The following CFAP61 variants were observed in gnomAD, a reference collection of about 807,000 sequenced individuals.
CFAP61 encodes cilia- and flagella-associated protein 61.
CFAP61 carries 107 observed loss-of-function variants against 135.6 expected under a neutral mutation model. The ratio of observed to expected loss-of-function variants is 0.79; its 90% CI spans 0.67 to 0.93. CFAP61 has a LOEUF of 0.93. Among genes scored for constraint, CFAP61 ranks in the 40% least tolerant of loss-of-function variants. The probability of loss-of-function intolerance (pLI) is 0.00; values close to 1 mark genes in which losing one functional copy is unlikely to be tolerated. For missense variants in CFAP61, 1,507 were observed against 1,556.2 expected (o/e 0.97, Z 0.53); for synonymous variants, 575 against 578.5 (o/e 0.99, Z 0.09).
chr20:20,062,635 A>T (rs1468226379), intron 2 of CFAP61, among the ~76,000 whole-genome samples: 1 of 152,166 alleles, frequency 6.6e-6, no homozygotes, highest in Admixed American at 6.6e-5. Flanking sequence ...AAAAAGAAAA[A>T]CTTTCAAAGT....
intron 8 of CFAP61, among the ~76,000 whole-genome samples, chr20:20,129,514 A>C (rs928206281): frequency 6.6e-6 from 1 of 151,256 alleles, no homozygotes; most frequent in Non-Finnish European, 1.5e-5. Context: ...ACTTTTGATC[A>C]GTTTATTATA....
chr20:20,192,236 T>C (rs983132427), intron 15 of CFAP61, among the ~76,000 whole-genome samples: 1 of 152,124 alleles, frequency 6.6e-6, no homozygotes, highest in Admixed American at 6.5e-5. Flanking sequence ...ACTTTTTGGG[T>C]TCTTCAAAAA....
chr20:20,353,725 T>C (rs2058937494), intron 26 of CFAP61, among the ~76,000 whole-genome samples: 2 of 152,142 alleles, frequency 1.3e-5, no homozygotes, highest in African/African-American at 4.8e-5. Context: ...CCAAAAGATA[T>C]ATTTAAAAAA....
At chr20:20,059,675 A>G (rs914313613) in intron 2 of CFAP61, among the ~76,000 whole-genome samples, 1 of 152,106 alleles carries the variant, frequency 6.6e-6, no homozygotes, top group Admixed American at 6.5e-5. Context: ...ATGTTTAAAC[A>G]AAAGTGAAAT....
At position 20,080,006 on chromosome 20, in the gene CFAP61, AT is replaced by A; in HGVS notation, c.566+4393del. Reference sequence around the variant, plus strand: ...TTTTAAATTACAAGAATCTCCACAAATTAATTACTTAGGATCTTGTAAGTAG... The same window carrying A: ...TTTTAAATTACAAGAATCTCCACAAATAATTACTTAGGATCTTGTAAGTAG... On this transcript the variant is annotated intron_variant, in intron 6 of 26. Coordinates refer to ENST00000245957, the MANE Select transcript of CFAP61 (RefSeq NM_015585.4). Among the ~76,000 whole-genome samples the A allele has an allele frequency of 1.3e-5, 2 of 152,170 alleles. 1 individual carries two copies. Among genetic ancestry groups the A allele is most frequent in the Non-Finnish European group, 2.9e-5 (2 of 68,024 alleles).
chr20:20,052,901 C>A, intron 1 of CFAP61: 1 of 607,918 alleles, frequency 1.6e-6, no homozygotes, highest in East Asian at 2.9e-5. Context: ...TTTCTGGTTT[C>A]GGGACAGTTG....
intron 8 of CFAP61, among the ~76,000 whole-genome samples, chr20:20,106,055 T>G (rs2048388210): frequency 7.6e-6 from 1 of 131,988 alleles, no homozygotes. Context: ...TATATAAAAT[T>G]TGATTTTCTA....
chr20:20,073,497 TGTGCTGTCCTGATATAG>T, intron 3 of CFAP61, among the ~76,000 whole-genome samples: 1 of 152,332 alleles, frequency 6.6e-6, no homozygotes, highest in South Asian at 2.1e-4. Flanking sequence ...AGGCAGCACC[TGTGCTGTCCTGATATAG>T]GTACCAGCAC....
At chr20:20,340,701 A>G (rs1464683588) in intron 25 of CFAP61, among the ~76,000 whole-genome samples, 1 of 152,030 alleles carries the variant, frequency 6.6e-6, no homozygotes, top group Non-Finnish European at 1.5e-5. Flanking sequence ...GACCCCCAAA[A>G]CCAAGGGGGT....
At chr20:20,154,323 T>A (rs1254986099) in intron 9 of CFAP61, among the ~76,000 whole-genome samples, 1 of 152,064 alleles carries the variant, frequency 6.6e-6, no homozygotes, top group Non-Finnish European at 1.5e-5. Flanking sequence ...TTTCACCACT[T>A]TTATTCAACA....
chr20:20,173,324 G>C (rs1273131598), intron 13 of CFAP61, among the ~76,000 whole-genome samples: 1 of 152,210 alleles, frequency 6.6e-6, no homozygotes, highest in African/African-American at 2.4e-5. Context: ...CCTATGACCA[G>C]AATATGTTTA....
intron 9 of CFAP61, among the ~76,000 whole-genome samples, chr20:20,156,917 A>C (rs1316410110): frequency 6.6e-6 from 1 of 152,198 alleles, no homozygotes; most frequent in Non-Finnish European, 1.5e-5. Flanking sequence ...GTTCTTTGCA[A>C]ATTTGGTAAA....
intron 13 of CFAP61, among the ~76,000 whole-genome samples, chr20:20,180,334 GA>G (rs574779331): frequency 7.9e-4 from 103 of 130,996 alleles, no homozygotes; most frequent in African/African-American, 1.5e-3. Context: ...GTCTCAAAAA[GA>G]AAAAAAAAAA....
intron 6 of CFAP61, among the ~76,000 whole-genome samples, chr20:20,083,657 C>A (rs556778290): frequency 4.6e-5 from 7 of 152,288 alleles, no homozygotes; most frequent in Non-Finnish European, 8.8e-5. Context: ...TGAGCAATTT[C>A]ATATGAATAA....
intron 9 of CFAP61, among the ~76,000 whole-genome samples, chr20:20,154,052 A>G (rs1250656653): frequency 6.6e-6 from 1 of 152,108 alleles, no homozygotes; most frequent in African/African-American, 2.4e-5. Context: ...AGGGTTTAAC[A>G]TATACAAGTT....
chr20:20,279,916 A>G (rs1381938943), intron 22 of CFAP61, among the ~76,000 whole-genome samples: 2 of 152,110 alleles, frequency 1.3e-5, no homozygotes, highest in African/African-American at 4.8e-5. Flanking sequence ...GAGTCAGGGT[A>G]GGTATCTCTC....
At chr20:20,090,656 T>C (rs372119974) in intron 6 of CFAP61, among the ~76,000 whole-genome samples, 188 bp from the exon 7 acceptor site, 3 of 143,314 alleles carry the variant, frequency 2.1e-5, no homozygotes, top group East Asian at 4.1e-4. Context: ...CGCCACTGCA[T>C]TCCAGTCTGG....
chr20:20,296,941 T>C, intron 24 of CFAP61, among the ~76,000 whole-genome samples: 1 of 152,164 alleles, frequency 6.6e-6, no homozygotes, highest in Middle Eastern at 3.2e-3. Context: ...TGGTGGTAGA[T>C]TTCCCGTCTA....
chr20:20,289,721 T>C (rs113628668), intron 23 of CFAP61, among the ~76,000 whole-genome samples: 1 of 152,158 alleles, frequency 6.6e-6, no homozygotes, highest in East Asian at 1.9e-4. Flanking sequence ...TTGCTCTGCT[T>C]CTCACTCTGG....
Sources: gnomAD v4.1 joint callset for allele counts (sites outside exome capture counted in the v4.1 genomes callset) on GRCh38, gnomAD v4.1.1 for gene constraint, MANE v1.5 for transcripts, NCBI Gene and HGNC (gene_info 2026-07-23, HGNC 2026-07-21) for gene names.